PCDHGA2: variants seen among roughly 807,000 people sequenced by gnomAD.
PCDHGA2 encodes protocadherin gamma subfamily A, 2.
PCDHGA2 carries 40 observed loss-of-function variants against 59.2 expected under a neutral mutation model. The ratio of observed to expected loss-of-function variants is 0.68; its 90% CI spans 0.52 to 0.88. The LOEUF (loss-of-function observed/expected upper bound fraction) is 0.88. Ranked by LOEUF, PCDHGA2 falls within the 40% of genes least tolerant of loss-of-function variation. PCDHGA2 has a pLI of 0.00. For missense variants in PCDHGA2, 1,226 were observed against 1,204.0 expected (o/e 1.02, Z -0.27); for synonymous variants, 560 against 526.0 (o/e 1.06, Z -0.89).
chr5:141,376,675 CG>C (rs1228548126), intron 1 of PCDHGA2: 139 of 345,036 alleles, frequency 4.0e-4, no homozygotes, highest in South Asian at 5.8e-4. Context: ...GTGAGGGTAT[CG>C]TTTTTTTTTT....
chr5:141,466,099 G>A (rs879849411), intron 1 of PCDHGA2, among the ~76,000 whole-genome samples: 2 of 151,938 alleles, frequency 1.3e-5, no homozygotes, highest in Non-Finnish European at 2.9e-5. Context: ...TCCAGCCTGG[G>A]CAACAGAGTG....
rs1456184444 is a variant in PCDHGA2, at chr5:141,512,578, C to T, written c.*1405C>T. On this transcript the variant is annotated 3_prime_UTR_variant, in exon 4 of 4. Coordinates refer to ENST00000394576, the MANE Select transcript of PCDHGA2 (RefSeq NM_018915.4). ...ATAGACCTTCTTCTCCCACCCCCTT[C>T]TGCCCCTGGGTCCCCGGCCATCCAG... is the stretch of plus-strand genomic sequence containing the variant. 1 of 152,944 alleles carries T rather than the reference C, an allele frequency of 6.5e-6. No homozygotes were observed. The highest frequency in any genetic ancestry group is 1.5e-5 in the Non-Finnish European group (1 of 68,542). 9.5% of individuals were successfully genotyped at this position (152,944 alleles called of 1,614,324 possible). A position where few individuals can be genotyped will look rare whatever the true frequency, so the allele number is the denominator to read the frequency against.
intron 1 of PCDHGA2, chr5:141,395,524 T>G (rs1312171320): frequency 5.1e-6 from 2 of 392,258 alleles, no homozygotes; most frequent in Non-Finnish European, 9.1e-6. Flanking sequence ...CCGTCCATAC[T>G]GGTAATTTTG....
intron 1 of PCDHGA2, chr5:141,413,354 C>T: frequency 6.2e-7 from 1 of 1,613,974 alleles, no homozygotes; most frequent in South Asian, 1.1e-5. Flanking sequence ...GGTCTGGCGC[C>T]CCGGGAGCTG....
chr5:141,340,704 C>G lies in PCDHGA2; in HGVS notation c.1733C>G (p.Ala578Gly). 1 of 1,614,160 alleles carries G rather than the reference C, an allele frequency of 6.2e-7. No homozygotes were observed. The highest frequency in any genetic ancestry group is 1.1e-5 in the South Asian group (1 of 91,076). Reference sequence around the variant, plus strand: ...GACGGTTCCACTGGCGTGGAGCTGGCGCCCCGCTCCGCAGAGCCCGGCTAC... The same window carrying G: ...GACGGTTCCACTGGCGTGGAGCTGGGGCCCCGCTCCGCAGAGCCCGGCTAC... Reference protein sequence around the residue: ...PTDGSTGVELAPRSAEPGYLV... With the variant: ...PTDGSTGVELGPRSAEPGYLV... The change falls in exon 1 of 4, where the codon GCG becomes GGG. Residue 578 changes from alanine (A) to glycine (G), a missense_variant. Ala to Gly is a moderately conservative substitution (Grantham distance 60). Coordinates refer to ENST00000394576, the MANE Select transcript of PCDHGA2 (RefSeq NM_018915.4).
intron 1 of PCDHGA2, chr5:141,408,244 G>A (rs746604555): frequency 6.3e-7 from 1 of 1,585,990 alleles, no homozygotes; most frequent in Non-Finnish European, 8.6e-7. Context: ...CCGGCCCGCG[G>A]CAGGTGCTAT....
chr5:141,434,964 T>C (rs2154556462), intron 1 of PCDHGA2, among the ~76,000 whole-genome samples: 1 of 152,004 alleles, frequency 6.6e-6, no homozygotes, highest in East Asian at 1.9e-4. Context: ...ATTTATAAAA[T>C]TACTTTGTTA....
chr5:141,357,368 G>T, intron 1 of PCDHGA2: 1 of 1,614,156 alleles, frequency 6.2e-7, no homozygotes, highest in Non-Finnish European at 8.5e-7. Context: ...CACAAGTCAC[G>T]CCTGCTTCAC....
intron 2 of PCDHGA2, among the ~76,000 whole-genome samples, chr5:141,500,906 G>C (rs1333707004): frequency 6.7e-6 from 1 of 149,672 alleles, no homozygotes; most frequent in African/African-American, 2.5e-5. Flanking sequence ...GTCTCGCTCT[G>C]TCTCCAGGCT....
intron 1 of PCDHGA2, among the ~76,000 whole-genome samples, chr5:141,382,245 A>C (rs1778064019): frequency 6.6e-6 from 1 of 152,172 alleles, no homozygotes; most frequent in South Asian, 2.1e-4. Flanking sequence ...GACTTTCTGA[A>C]TCTTGCATCA....
chr5:141,383,900 T>C (rs766644204), intron 1 of PCDHGA2: 6 of 1,613,976 alleles, frequency 3.7e-6, no homozygotes, highest in Non-Finnish European at 5.1e-6. Context: ...GCAAAAGTAC[T>C]GATCACAGTT....
chr5:141,422,487 T>C lies in PCDHGA2; in HGVS notation c.2425-72320T>C, dbSNP rs1295400741. 5.0e-6 allele frequency: 8 copies of C among 1,613,938 alleles called. No individual in the cohort carries two copies. The East Asian group carries it at 1.8e-4, about 36-fold the overall frequency. ...ACAGGGAGTTGGTCCAGAGCTACAA[T>C]ATAACGTTGACAGCCACAGACCAGG... On this transcript the variant is annotated intron_variant, in intron 1 of 3. Coordinates refer to ENST00000394576, the MANE Select transcript of PCDHGA2 (RefSeq NM_018915.4).
At chr5:141,478,576 G>A (rs543160289) in intron 1 of PCDHGA2, 1 of 1,585,480 alleles carries the variant, frequency 6.3e-7, no homozygotes, top group Non-Finnish European at 8.6e-7. Flanking sequence ...GCTTGACCCT[G>A]TTAGTGCTTT....
intron 1 of PCDHGA2, chr5:141,423,251 A>T: frequency 6.2e-7 from 1 of 1,613,844 alleles, no homozygotes; most frequent in East Asian, 2.2e-5. Context: ...GTCCTGGCGG[A>T]CCTCGGCAGC....
chr5:141,389,356 C>T lies in PCDHGA2; in HGVS notation c.2424+47961C>T, dbSNP rs188323445. 2.1e-5 allele frequency: 34 copies of T among 1,613,916 alleles called. No homozygotes were observed. The Middle Eastern group carries it at 1.6e-3, about 78-fold the overall frequency. ...GGCCAAGTCTCTTACTGCATCATGG[C>T]CAGTGACCTGGAGCAGCGGGAGCTG... On this transcript the variant is annotated intron_variant, in intron 1 of 3. Transcript: ENST00000394576.
intron 1 of PCDHGA2, chr5:141,375,797 T>A: frequency 6.2e-7 from 1 of 1,614,192 alleles, no homozygotes; most frequent in Non-Finnish European, 8.5e-7. Flanking sequence ...CACAGACGGT[T>A]CCACTGGCGT....
chr5:141,368,627 T>A (rs1237870416), intron 1 of PCDHGA2, among the ~76,000 whole-genome samples: 1 of 152,216 alleles, frequency 6.6e-6, no homozygotes, highest in Admixed American at 6.5e-5. Flanking sequence ...ACATTTCTTC[T>A]GAGTTAAATG....
intron 1 of PCDHGA2, chr5:141,418,306 GA>G: frequency 6.2e-7 from 1 of 1,614,032 alleles, no homozygotes; most frequent in East Asian, 2.2e-5. Flanking sequence ...TCAGCCTGGG[GA>G]TGGGAACAAT....
At chr5:141,398,977 A>G (rs761532339) in intron 1 of PCDHGA2, 2 of 1,613,952 alleles carry the variant, frequency 1.2e-6, no homozygotes, top group Non-Finnish European at 1.7e-6. Context: ...CTTCTACAGA[A>G]CCGGGCAAAT....
Sources: allele counts gnomAD v4.1 joint callset (sites outside exome capture counted in the v4.1 genomes callset), GRCh38; gene constraint gnomAD v4.1.1; transcripts MANE v1.5; gene names NCBI Gene and HGNC (gene_info 2026-07-23, HGNC 2026-07-21).